FAF1: variants seen among roughly 807,000 people sequenced by gnomAD.
The protein encoded by FAF1 is FAS-associated factor 1.
A neutral mutation model predicts 92.5 loss-of-function variants in FAF1; 25 were observed. That is an observed-to-expected ratio of 0.27 (90% CI 0.20 to 0.38). The LOEUF (loss-of-function observed/expected upper bound fraction) is 0.38, where lower values mean the gene tolerates loss of function less well. FAF1 is among the 10% of genes least tolerant of loss of function. FAF1 has a pLI of 1.00. For missense variants in FAF1, 636 were observed against 793.3 expected (o/e 0.80, Z 2.38); for synonymous variants, 234 against 273.2 (o/e 0.86, Z 1.42).
intron 7 of FAF1, among the ~76,000 whole-genome samples, chr1:50,665,527 A>G (rs1188685548): frequency 5.3e-5 from 8 of 152,224 alleles, no homozygotes; most frequent in Non-Finnish European, 1.0e-4. Flanking sequence ...CAGCATCAGC[A>G]AAGCAGAGCC....
At chr1:50,922,438 GAC>G (rs1400027397) in intron 1 of FAF1, among the ~76,000 whole-genome samples, 2 of 89,140 alleles carry the variant, frequency 2.2e-5, no homozygotes, top group African/African-American at 9.1e-5. Context: ...CAGCCTGGGT[GAC>G]AGAGTAAGAC....
intron 18 of FAF1, among the ~76,000 whole-genome samples, chr1:50,445,675 C>T (rs956084): frequency 0.03 from 4,526 of 152,248 alleles, 222 homozygotes; most frequent in African/African-American, 0.1. Flanking sequence ...GAATTATCGA[C>T]TCTCTAAATC....
chr1:50,826,914 C>T (rs1490553019), intron 2 of FAF1, among the ~76,000 whole-genome samples: 6 of 151,830 alleles, frequency 4.0e-5, no homozygotes, highest in South Asian at 2.1e-4. Context: ...CCAGCCGCCC[C>T]GTCTGGGAAG....
intron 8 of FAF1, among the ~76,000 whole-genome samples, chr1:50,630,671 T>G (rs1392966734): frequency 1.3e-5 from 2 of 152,140 alleles, no homozygotes; most frequent in African/African-American, 4.8e-5. Flanking sequence ...ATGACAAAAT[T>G]CTGGGAAAGT....
chr1:50,495,584 T>A (rs1259080839), intron 15 of FAF1, among the ~76,000 whole-genome samples: 1 of 152,240 alleles, frequency 6.6e-6, no homozygotes. Flanking sequence ...AGTACAGATA[T>A]CTCTTTGATA....
At chr1:50,667,597 A>C (rs997338472) in intron 7 of FAF1, among the ~76,000 whole-genome samples, 1 of 152,336 alleles carries the variant, frequency 6.6e-6, no homozygotes, top group Admixed American at 6.5e-5. Context: ...TGTTTTTTAT[A>C]GAATTGCACT....
chr1:50,762,994 ACCT>A (rs1472650005), intron 4 of FAF1, among the ~76,000 whole-genome samples: 1 of 152,140 alleles, frequency 6.6e-6, no homozygotes, highest in African/African-American at 2.4e-5. Context: ...GTTGGCTCAT[ACCT>A]GTAATCCCAG....
chr1:50,610,815 G>A (rs117980316), intron 8 of FAF1, among the ~76,000 whole-genome samples: 1 of 152,030 alleles, frequency 6.6e-6, no homozygotes, highest in East Asian at 1.9e-4. Context: ...AATTAGCATT[G>A]TACCAAGGCA....
intron 12 of FAF1, among the ~76,000 whole-genome samples, chr1:50,578,365 G>A (rs918712238): frequency 2.6e-5 from 4 of 152,138 alleles, no homozygotes; most frequent in African/African-American, 9.7e-5. Flanking sequence ...TTGAACATGA[G>A]CAAACTGTTT....
At chr1:50,480,399 A>C (rs1409419750) in intron 17 of FAF1, among the ~76,000 whole-genome samples, 1 of 152,222 alleles carries the variant, frequency 6.6e-6, no homozygotes, top group African/African-American at 2.4e-5. Flanking sequence ...AACAACCTCT[A>C]GGTTTCTATG....
chr1:50,550,417 GTCTT>G (rs1649258267), intron 13 of FAF1, among the ~76,000 whole-genome samples: 1 of 148,602 alleles, frequency 6.7e-6, no homozygotes, highest in South Asian at 2.1e-4. Context: ...CAGGAGGAAA[GTCTT>G]TAACAGATAA....
At chr1:50,893,490 A>G (rs933199918) in intron 1 of FAF1, among the ~76,000 whole-genome samples, 1 of 152,222 alleles carries the variant, frequency 6.6e-6, no homozygotes, top group Non-Finnish European at 1.5e-5. Context: ...ATGGATTAGC[A>G]TATAGAAACT....
chr1:50,513,394 G>C (rs1375377685), intron 15 of FAF1, among the ~76,000 whole-genome samples: 2 of 152,180 alleles, frequency 1.3e-5, no homozygotes, highest in African/African-American at 4.8e-5. Flanking sequence ...AGAGGCTAAG[G>C]CAGGAGAATT....
intron 2 of FAF1, among the ~76,000 whole-genome samples, chr1:50,839,341 G>C (rs183401873): frequency 6.6e-6 from 1 of 151,992 alleles, no homozygotes; most frequent in Non-Finnish European, 1.5e-5. Context: ...ACATACTCCC[G>C]CTAAAAATTC....
chr1:50,921,777 G>C (rs1219053196), intron 1 of FAF1, among the ~76,000 whole-genome samples: 1 of 150,838 alleles, frequency 6.6e-6, no homozygotes, highest in Non-Finnish European at 1.5e-5. Flanking sequence ...CAAAGACCTT[G>C]TTTCAAAAAA....
In FAF1 at chr1:50,491,052, C is replaced by T. The variant is rs1442241112; in HGVS notation, c.1576-387G>A. Among the ~76,000 whole-genome samples the T allele has an allele frequency of 4.6e-5, 7 of 152,268 alleles. No individual in the cohort carries two copies. The East Asian group carries it at 1.2e-3, about 25-fold the overall frequency. ...CTCCATGCATTCTGGACCCTTGATGCTAGCTTATACTGTTTCCTCTTCCCT... is the reference window on the plus strand; with the variant it reads ...CTCCATGCATTCTGGACCCTTGATGTTAGCTTATACTGTTTCCTCTTCCCT... On this transcript the variant is annotated intron_variant, in intron 16 of 18. Coordinates refer to ENST00000396153, the MANE Select transcript of FAF1 (RefSeq NM_007051.3).
At chr1:50,760,978 A>C (rs1405273013) in intron 4 of FAF1, among the ~76,000 whole-genome samples, 1 of 152,194 alleles carries the variant, frequency 6.6e-6, no homozygotes, top group Non-Finnish European at 1.5e-5. Context: ...AGAATCAAAT[A>C]AATGCAATAA....
chr1:50,546,468 C>T (rs562828636), intron 13 of FAF1, among the ~76,000 whole-genome samples: 10 of 152,172 alleles, frequency 6.6e-5, no homozygotes, highest in South Asian at 6.2e-4. Context: ...TGGGTTCAAG[C>T]GATTCTCCTG....
intron 3 of FAF1, among the ~76,000 whole-genome samples, chr1:50,793,685 C>G (rs1226171613): frequency 6.6e-6 from 1 of 152,196 alleles, no homozygotes; most frequent in Non-Finnish European, 1.5e-5. Flanking sequence ...TTTCACACAG[C>G]AGGGTAGACT....
Sources: gnomAD v4.1 joint callset for allele counts (sites outside exome capture counted in the v4.1 genomes callset) on GRCh38, gnomAD v4.1.1 for gene constraint, MANE v1.5 for transcripts, NCBI Gene and HGNC (gene_info 2026-07-23, HGNC 2026-07-21) for gene names.